ZNF362: variants seen among roughly 807,000 people sequenced by gnomAD.
ZNF362 encodes rotund homolog.
ZNF362 carries 11 observed loss-of-function variants against 42.9 expected under a neutral mutation model. That is an observed-to-expected ratio of 0.26 (90% confidence interval 0.16 to 0.42). The LOEUF is 0.42. Among genes scored for constraint, ZNF362 ranks in the 20% least tolerant of loss-of-function variants. The pLI is 1.00. For synonymous variants in ZNF362, 255 were observed against 257.3 expected, an observed-to-expected ratio of 0.99 and a Z score of 0.09; for missense variants, 362 against 576.2, an observed-to-expected ratio of 0.63 and a Z score of 3.81.
At chr1:33,177,071 A>ACG in the ZNF362 span, among the ~76,000 whole-genome samples, 1 of 11,114 alleles carries the variant, frequency 9.0e-5, no homozygotes, top group Non-Finnish European at 2.4e-4. This position sits in a 1 kb window ranked among gnomAD's most constrained non-coding sequence, Gnocchi z 4.1. Context: ...ACACATGCAC[A>ACG]CACACACATG....
At chr1:33,147,510 G>T in the ZNF362 span, 3 of 1,613,246 alleles carry the variant, frequency 1.9e-6, no homozygotes, top group Non-Finnish European at 2.5e-6. This position sits in a 1 kb window ranked among gnomAD's most constrained non-coding sequence, Gnocchi z 8.1. Context: ...GTGCCAGCCC[G>T]ATCACCCACT....
At chr1:33,229,703 C>T in the ZNF362 span, among the ~76,000 whole-genome samples, 1 of 152,050 alleles carries the variant, frequency 6.6e-6, no homozygotes, top group Non-Finnish European at 1.5e-5. Flanking sequence ...CCACTCCCGG[C>T]CCTATTCTGC....
chr1:33,147,062 C>T, the ZNF362 span: 1 of 1,130,260 alleles, frequency 8.8e-7, no homozygotes, highest in South Asian at 1.5e-5. This position sits in a 1 kb window ranked among gnomAD's most constrained non-coding sequence, Gnocchi z 8.1. Context: ...GGGTAAACAA[C>T]TGGCCTGAGG....
chr1:33,239,825 C>A, the ZNF362 span, among the ~76,000 whole-genome samples: 2 of 152,134 alleles, frequency 1.3e-5, no homozygotes, highest in Non-Finnish European at 2.9e-5. Flanking sequence ...CAGATGGGAA[C>A]ATGTCAGAAG....
At chr1:33,190,406 C>T in the ZNF362 span, among the ~76,000 whole-genome samples, 1 of 152,116 alleles carries the variant, frequency 6.6e-6, no homozygotes, top group Non-Finnish European at 1.5e-5. Flanking sequence ...ATCCTATTGT[C>T]ACCATTAAGA....
At chr1:33,296,399 T>C (rs1646124831) in intron 8 of ZNF362, among the ~76,000 whole-genome samples, 1 of 152,092 alleles carries the variant, frequency 6.6e-6, no homozygotes, top group South Asian at 2.1e-4. Context: ...GCCCTGAAGC[T>C]CTGTCCCTCT....
rs1434159452 is a variant in ZNF362 at position 33,294,863 on chromosome 1, G to A, written c.909-74G>A. 14 of 1,551,212 alleles carry A rather than the reference G, an allele frequency of 9.0e-6. No homozygotes were observed. The East Asian group carries it at 2.5e-4, about 28-fold the overall frequency. On this transcript the variant is annotated intron_variant, in intron 6 of 8. Coordinates refer to ENST00000539719, the MANE Select transcript of ZNF362 (RefSeq NM_152493.3). The surrounding 1 kb of genome is among the most constrained non-coding windows in gnomAD (Gnocchi z 4.2). ...GGGACCGAGAGGCTTAGGGGCCAGA[G>A]TAAGGACTTGGGAACTGGAGCGGTC...
chr1:33,247,534 T>G, the ZNF362 span, among the ~76,000 whole-genome samples: 1 of 152,136 alleles, frequency 6.6e-6, no homozygotes, highest in Admixed American at 6.5e-5. Context: ...ATTCAATTCC[T>G]GGCAAAAGGC....
intron 8 of ZNF362, among the ~76,000 whole-genome samples, chr1:33,296,936 C>T (rs1422637576): frequency 6.6e-6 from 1 of 151,394 alleles, no homozygotes; most frequent in Non-Finnish European, 1.5e-5. Flanking sequence ...TCCAGAGTAG[C>T]TGGGGCTACA....
chr1:33,238,610 T>A, the ZNF362 span, among the ~76,000 whole-genome samples: 1 of 152,116 alleles, frequency 6.6e-6, no homozygotes, highest in Admixed American at 6.5e-5. Context: ...GGAGTTGTTA[T>A]GGACTGAATT....
upstream of ZNF362, among the ~76,000 whole-genome samples, chr1:33,256,272 C>T (rs1645789117): frequency 7.0e-6 from 1 of 143,686 alleles, no homozygotes; most frequent in African/African-American, 2.5e-5. Flanking sequence ...CCGCCCGGCC[C>T]CCTCCCCTCT....
the ZNF362 span, among the ~76,000 whole-genome samples, chr1:33,233,871 G>A: frequency 6.6e-6 from 1 of 152,172 alleles, no homozygotes; most frequent in East Asian, 1.9e-4. Flanking sequence ...GAACTGGGAT[G>A]CCTCCTCTCA....
At chr1:33,129,084 G>GT in the ZNF362 span, among the ~76,000 whole-genome samples, 1 of 152,178 alleles carries the variant, frequency 6.6e-6, no homozygotes, top group African/African-American at 2.4e-5. This position sits in a 1 kb window ranked among gnomAD's most constrained non-coding sequence, Gnocchi z 4.1. Context: ...GGGCACTGGC[G>GT]TGTACAAGGG....
At position 33,281,585 on chromosome 1, in the gene ZNF362, A is replaced by C. The variant is rs1645995052; in HGVS notation, c.684-2A>C. On this transcript the variant is annotated splice_acceptor_variant, in intron 5 of 8. Transcript: ENST00000539719. LOFTEE classifies it high-confidence loss of function. The surrounding 1 kb of genome is among the most constrained non-coding windows in gnomAD (Gnocchi z 4.8). ...CACGTGAACCTGTCTCTTGCTCCGCAGGTGTAAGGTATGCCCACTGACCTT... is the reference window on the plus strand; with the variant it reads ...CACGTGAACCTGTCTCTTGCTCCGCCGGTGTAAGGTATGCCCACTGACCTT... The C allele has an allele frequency of 6.2e-7, 1 of 1,614,016 alleles. No individual in the cohort carries two copies. Among genetic ancestry groups the C allele is most frequent in the Non-Finnish European group, 8.5e-7 (1 of 1,179,992 alleles).
At chr1:33,207,759 G>A in the ZNF362 span, among the ~76,000 whole-genome samples, 1 of 152,170 alleles carries the variant, frequency 6.6e-6, no homozygotes, top group African/African-American at 2.4e-5. Flanking sequence ...CTTTTAAGAA[G>A]TGTCTGTTCA....
chr1:33,139,233 G>A, the ZNF362 span, among the ~76,000 whole-genome samples: 1 of 152,028 alleles, frequency 6.6e-6, no homozygotes, highest in African/African-American at 2.4e-5. Context: ...TCGCTCTGGG[G>A]GCTCAGCATC....
the ZNF362 span, among the ~76,000 whole-genome samples, chr1:33,175,454 A>G: frequency 3.3e-5 from 5 of 152,184 alleles, no homozygotes; most frequent in Non-Finnish European, 5.9e-5. Flanking sequence ...TGGTACTGGG[A>G]AAACAACACT....
chr1:33,276,406 GGCCGCCTCACCT>G lies in ZNF362; in HGVS notation c.168_179del (p.His57_Pro60del). The G allele has an allele frequency of 6.3e-7, 1 of 1,581,990 alleles. No homozygotes were observed. Among genetic ancestry groups the G allele is most frequent in the Non-Finnish European group, 8.6e-7 (1 of 1,164,668 alleles). On this transcript the variant is annotated inframe_deletion, in exon 4 of 9. Transcript: ENST00000539719. ...GAGCAGCTGATGGCCGAGAAGATCAGGCCGCCTCACCTGCCGCCCACGTCGGCCTCGTCGCAG... is the reference window on the plus strand; with the variant it reads ...GAGCAGCTGATGGCCGAGAAGATCAGGCCGCCCACGTCGGCCTCGTCGCAG...
At chr1:33,211,062 T>C in the ZNF362 span, among the ~76,000 whole-genome samples, 1 of 151,838 alleles carries the variant, frequency 6.6e-6, no homozygotes, top group African/African-American at 2.4e-5. Context: ...GCCTCCCGAG[T>C]AGCTGGGACT....
Sources: gnomAD v4.1 joint callset for allele counts (sites outside exome capture counted in the v4.1 genomes callset) on GRCh38, gnomAD v4.1.1 for gene constraint, Gnocchi (gnomAD v3.1) non-coding constraint, MANE v1.5 for transcripts, NCBI Gene and HGNC (gene_info 2026-07-23, HGNC 2026-07-21) for gene names.